The following CHST10 variants were observed in gnomAD, a reference collection of about 807,000 sequenced individuals.
CHST10 encodes the protein carbohydrate sulfotransferase 10, also known as HNK-1 sulfotransferase.
A neutral mutation model predicts 34.7 loss-of-function variants in CHST10; 24 were observed. The observed-to-expected ratio is 0.69, with a 90% CI of 0.50 to 0.97. The LOEUF is 0.97. Among genes scored for constraint, CHST10 ranks in the 50% least tolerant of loss-of-function variants. The pLI is 0.00. For missense variants in CHST10, 402 were observed against 452.1 expected, an observed-to-expected ratio of 0.89 and a Z score of 1.00; for synonymous variants, 161 against 169.3, an observed-to-expected ratio of 0.95 and a Z score of 0.38.
At chr2:100,404,537 C>G (rs1420965154) in intron 3 of CHST10, among the ~76,000 whole-genome samples, 1 of 152,212 alleles carries the variant, frequency 6.6e-6, no homozygotes, top group Non-Finnish European at 1.5e-5. Context: ...TTCACAAAAC[C>G]CTGTTCTGCG....
At chr2:100,413,585 T>C (rs1218809882) in intron 2 of CHST10, among the ~76,000 whole-genome samples, 1 of 152,184 alleles carries the variant, frequency 6.6e-6, no homozygotes, top group Non-Finnish European at 1.5e-5. Context: ...ATAGCACACA[T>C]TGTACATGTT....
At position 100,397,950 on chromosome 2, in the gene CHST10, C is replaced by A; in HGVS notation, c.385G>T (p.Val129Leu). 6.2e-7 allele frequency: 1 copy of A among 1,614,084 alleles called. No individual in the cohort carries two copies. Among genetic ancestry groups the A allele is most frequent in the Non-Finnish European group, 8.5e-7 (1 of 1,179,976 alleles). The change falls in exon 5 of 7, where the codon GTG becomes TTG. Residue 129 changes from valine (V) to leucine (L), a missense_variant. Coordinates refer to ENST00000264249, the MANE Select transcript of CHST10 (RefSeq NM_004854.5). The stretch of plus-strand genomic sequence containing the variant: ...ACTTTCTTCCACTGGGTGTTGCCCA[C>A]TTTGGGAGTCTGGCAGAAAAGAATC... ...HKILFCQTPK[V>L]GNTQWKKVLI...
chr2:100,396,713 T>A (rs1675075459), intron 5 of CHST10, among the ~76,000 whole-genome samples: 1 of 152,174 alleles, frequency 6.6e-6, no homozygotes, highest in South Asian at 2.1e-4. Flanking sequence ...CCCATCCAGG[T>A]GCACTAGTGG....
intron 4 of CHST10, among the ~76,000 whole-genome samples, chr2:100,399,833 C>T (rs752471068): frequency 6.6e-6 from 1 of 152,196 alleles, no homozygotes; most frequent in Non-Finnish European, 1.5e-5. Flanking sequence ...GCCTGCTTTT[C>T]GAGATGAAGA....
chr2:100,405,226 G>A (rs181875809), intron 3 of CHST10, among the ~76,000 whole-genome samples: 6 of 152,316 alleles, frequency 3.9e-5, no homozygotes, highest in East Asian at 3.9e-4. Flanking sequence ...AGTCCCGGGC[G>A]TGAGCTGTCA....
chr2:100,416,725 T>C, intron 1 of CHST10: 4 of 343,420 alleles, frequency 1.2e-5, no homozygotes, highest in South Asian at 6.8e-5. Flanking sequence ...AAACCCACCG[T>C]TATGACAGTC....
At chr2:100,409,595 C>T (rs1675734987) in intron 2 of CHST10, among the ~76,000 whole-genome samples, 1 of 151,876 alleles carries the variant, frequency 6.6e-6, no homozygotes, top group African/African-American at 2.4e-5. Flanking sequence ...GTCTCCGTAG[C>T]TAGTCTTTCA....
chr2:100,392,318 A>G lies in CHST10; in HGVS notation c.*927T>C, dbSNP rs1409122697. ...TTGCCCCTGCTCGTCTTCAGCCCCA[A>G]CATGGGAGCTCCCTGGAGAAGACAG... On this transcript the variant is annotated 3_prime_UTR_variant, in exon 7 of 7. Transcript: ENST00000264249. 1.3e-5 allele frequency: 2 copies of G among 152,474 alleles called. No individual in the cohort carries two copies. The highest frequency in any genetic ancestry group is 1.3e-4 in the Admixed American group (2 of 15,284). The allele number at this position is 152,474 out of a possible 1,614,324, so 9.4% of individuals were successfully genotyped here.
intron 1 of CHST10, chr2:100,416,497 CT>C (rs986189939): frequency 1.3e-5 from 2 of 158,292 alleles, no homozygotes; most frequent in East Asian, 3.5e-4. Flanking sequence ...CCACTTCTCT[CT>C]TTGTGTCTTT....
chr2:100,400,214 CT>C (rs1558637749), intron 4 of CHST10, among the ~76,000 whole-genome samples: 1 of 152,198 alleles, frequency 6.6e-6, no homozygotes, highest in Non-Finnish European at 1.5e-5. Flanking sequence ...TTAGATATTG[CT>C]TTTCTTTTAG....
intron 5 of CHST10, 62 bp downstream of exon 5, chr2:100,397,846 A>G (rs1675133696): frequency 8.0e-6 from 11 of 1,367,860 alleles, no homozygotes; most frequent in Non-Finnish European, 8.2e-6. Context: ...TGTCCTCCCC[A>G]GCCTCCTCAG....
chr2:100,411,156 A>C, intron 2 of CHST10, among the ~76,000 whole-genome samples: 1 of 137,930 alleles, frequency 7.3e-6, no homozygotes, highest in Non-Finnish European at 1.5e-5. Flanking sequence ...TCTCTCTGTC[A>C]CCCCGGCTGG....
At chr2:100,404,674 C>T (rs533978953) in intron 3 of CHST10, among the ~76,000 whole-genome samples, 54 of 152,218 alleles carry the variant, frequency 3.5e-4, no homozygotes, top group Non-Finnish European at 4.9e-4. Flanking sequence ...TACCAGATGC[C>T]GCTGGGAAAC....
At chr2:100,409,622 G>T (rs1390598703) in intron 2 of CHST10, among the ~76,000 whole-genome samples, 1 of 152,042 alleles carries the variant, frequency 6.6e-6, no homozygotes, top group African/African-American at 2.4e-5. Context: ...CAGGAGGTCA[G>T]GGACTGGTCT....
At chr2:100,412,538 A>T (rs1675889126) in intron 2 of CHST10, among the ~76,000 whole-genome samples, 1 of 152,170 alleles carries the variant, frequency 6.6e-6, no homozygotes, top group South Asian at 2.1e-4. Context: ...GGCATTTTTT[A>T]AGAGCTCTGT....
Position 100,417,452 on chromosome 2 carries a change from G to A in CHST10, c.-182C>T, listed in dbSNP as rs921636861. ...GCGCCGCGCGGGTCGGGCTTCGCCG[G>A]GCCTGTGGGCGAAGCGCGCGGGGTC... On this transcript the variant is annotated 5_prime_UTR_variant, in exon 1 of 7. Coordinates refer to ENST00000264249, the MANE Select transcript of CHST10 (RefSeq NM_004854.5). 174 of 164,232 alleles carry A rather than the reference G, an allele frequency of 1.1e-3. 1 individual carries two copies. Among genetic ancestry groups the A allele is most frequent in the African/African-American group, 4.0e-3 (168 of 41,598 alleles). The allele number at this position is 164,232 out of a possible 1,614,324, so 10.2% of individuals were successfully genotyped here. A position where few individuals can be genotyped will look rare whatever the true frequency, so the allele number is the denominator to read the frequency against.
At chr2:100,417,036 T>C in intron 1 of CHST10, 2 of 1,304,318 alleles carry the variant, frequency 1.5e-6, no homozygotes, top group East Asian at 5.6e-5. Flanking sequence ...GCATGCTCCT[T>C]GGACCCAAGC....
rs747588925 is a variant in CHST10, at chr2:100,398,160, C to T, written c.193-18G>A. On this transcript the variant is annotated intron_variant, in intron 4 of 6. Coordinates refer to ENST00000264249, the MANE Select transcript of CHST10 (RefSeq NM_004854.5). ...CCAGTTGGCTGCAGGTGACACAGAGCAGAAGAGGCCCAGGGACCATTAAAG... is the reference window on the plus strand; with the variant it reads ...CCAGTTGGCTGCAGGTGACACAGAGTAGAAGAGGCCCAGGGACCATTAAAG... The T allele has an allele frequency of 1.9e-6, 3 of 1,587,666 alleles. No homozygotes were observed. The highest frequency in any genetic ancestry group is 1.7e-6 in the Non-Finnish European group (2 of 1,163,212).
intron 4 of CHST10, among the ~76,000 whole-genome samples, chr2:100,400,495 C>T (rs1179017908): frequency 2.0e-5 from 3 of 152,238 alleles, no homozygotes; most frequent in Non-Finnish European, 4.4e-5. Context: ...CTGCCTTAGC[C>T]TCCCAAAGTG....
Sources: gnomAD v4.1 joint callset for allele counts (sites outside exome capture counted in the v4.1 genomes callset) on GRCh38, gnomAD v4.1.1 for gene constraint, MANE v1.5 for transcripts, NCBI Gene and HGNC (gene_info 2026-07-23, HGNC 2026-07-21) for gene names.